The following TSTD2 variants were observed in gnomAD, a reference collection of about 807,000 sequenced individuals.
The protein encoded by TSTD2 is thiosulfate sulfurtransferase/rhodanese-like domain-containing protein 2.
TSTD2 carries 37 observed loss-of-function variants against 47.9 expected under a neutral mutation model. The observed-to-expected ratio is 0.77, with a 90% CI of 0.59 to 1.02. The LOEUF is 1.02. TSTD2 is among the 50% of genes least tolerant of loss of function. The pLI, the probability that TSTD2 is intolerant of heterozygous loss-of-function variation, is 0.00. For synonymous variants in TSTD2, 201 were observed against 215.9 expected (o/e 0.93, Z 0.61); for missense variants, 586 against 616.0 (o/e 0.95, Z 0.52).
chr9:97,600,162 C>A lies in TSTD2; in HGVS notation c.*2307G>T, dbSNP rs992047810. Reference sequence around the variant, plus strand: ...AAAACTGATTATCATTCTTTATTAACCCTCCTTGGAATTTTGAAAACCTCG... The same window carrying A: ...AAAACTGATTATCATTCTTTATTAAACCTCCTTGGAATTTTGAAAACCTCG... On this transcript the variant is annotated 3_prime_UTR_variant, in exon 10 of 10. Transcript: ENST00000341170. 2.0e-6 allele frequency: 2 copies of A among 998,326 alleles called. No homozygotes were observed. Among genetic ancestry groups the A allele is most frequent in the Middle Eastern group, 5.2e-4 (1 of 1,930 alleles). 61.8% of individuals were successfully genotyped at this position (998,326 alleles called of 1,614,324 possible).
rs920231794 is a variant in TSTD2 at position 97,600,498 on chromosome 9, C to T, written c.*1971G>A. 52 of 985,586 alleles carry T rather than the reference C, an allele frequency of 5.3e-5. No homozygotes were observed. In the African/African-American group the frequency reaches 7.8e-4, roughly 15 times the overall value. The allele number at this position is 985,586 out of a possible 1,614,324, so 61.1% of individuals were successfully genotyped here. A position where few individuals can be genotyped will look rare whatever the true frequency, so the allele number is the denominator to read the frequency against. ...ACCTTATGATGGATGTGAAAATCTA[C>T]GGCCAAATACTTTTGAAAACACCTT... is the stretch of plus-strand genomic sequence containing the variant. On this transcript the variant is annotated 3_prime_UTR_variant, in exon 10 of 10. Transcript: ENST00000341170.
chr9:97,602,462 G>C lies in TSTD2; in HGVS notation c.*7C>G. The stretch of plus-strand genomic sequence containing the variant: ...CCGAGGGCCTGGGAAAATGCCAAAG[G>C]TGCTGCTCACATAAGCACTGGCCCA... On this transcript the variant is annotated 3_prime_UTR_variant, in exon 10 of 10. Coordinates refer to ENST00000341170, the MANE Select transcript of TSTD2 (RefSeq NM_139246.5). 2 of 1,586,954 alleles carry C rather than the reference G, an allele frequency of 1.3e-6. No individual in the cohort carries two copies. The highest frequency in any genetic ancestry group is 1.7e-6 in the Non-Finnish European group (2 of 1,163,590).
intron 4 of TSTD2, among the ~76,000 whole-genome samples, chr9:97,612,103 ATATG>A (rs1826470396): frequency 6.6e-6 from 1 of 152,070 alleles, no homozygotes; most frequent in South Asian, 2.1e-4. Flanking sequence ...ATAAGTGAAA[ATATG>A]TAGTATTTGG....
intron 3 of TSTD2, among the ~76,000 whole-genome samples, chr9:97,621,549 A>G (rs1005634195): frequency 2.0e-5 from 3 of 152,226 alleles, no homozygotes; most frequent in African/African-American, 7.2e-5. Context: ...CCAGTAAGGA[A>G]TAACCCTGGG....
rs191370083 is a variant in TSTD2, at chr9:97,601,001, G to A, written c.*1468C>T. 206 of 1,281,072 alleles carry A rather than the reference G, an allele frequency of 1.6e-4. No homozygotes were observed. Among genetic ancestry groups the A allele is most frequent in the Non-Finnish European group, 1.7e-4 (170 of 974,978 alleles). The allele number at this position is 1,281,072 out of a possible 1,614,324, so 79.4% of individuals were successfully genotyped here. A position where few individuals can be genotyped will look rare whatever the true frequency, so the allele number is the denominator to read the frequency against. ...AAGGTCAAGAACTCCAGAGCACTGA[G>A]CAGAGAGGCTGGTGATGAAAAGGTG... On this transcript the variant is annotated 3_prime_UTR_variant, in exon 10 of 10. Coordinates refer to ENST00000341170, the MANE Select transcript of TSTD2 (RefSeq NM_139246.5).
chr9:97,626,925 T>TGCTACCCTA (rs1491580527), intron 2 of TSTD2, among the ~76,000 whole-genome samples: 1 of 15,850 alleles, frequency 6.3e-5, no homozygotes, highest in Non-Finnish European at 1.3e-4. Context: ...TGCTACCCTA[T>TGCTACCCTA]TTTTTTTTTT....
At chr9:97,617,911 G>C (rs1445893509) in intron 3 of TSTD2, 34 bp from the exon 4 acceptor site, 1 of 1,597,606 alleles carries the variant, frequency 6.3e-7, no homozygotes, top group African/African-American at 1.3e-5. Flanking sequence ...AAGAGCATTT[G>C]AGTCGCTGGC....
At chr9:97,611,794 A>G in intron 4 of TSTD2, 95 bp from the exon 5 acceptor site, 1 of 1,331,702 alleles carries the variant, frequency 7.5e-7, no homozygotes, top group South Asian at 1.5e-5. Flanking sequence ...CAATGAGTTT[A>G]ACAGGAAAAG....
intron 6 of TSTD2, 49 bp from the exon 7 acceptor site, chr9:97,606,310 A>G (rs985686801): frequency 2.5e-6 from 3 of 1,203,214 alleles, no homozygotes; most frequent in Non-Finnish European, 2.4e-6. Context: ...AAAAAAACCA[A>G]AACCCAATCA....
intron 6 of TSTD2, among the ~76,000 whole-genome samples, chr9:97,607,026 C>T (rs536865747): frequency 9.9e-5 from 15 of 152,176 alleles, no homozygotes; most frequent in African/African-American, 3.6e-4. Context: ...ATTAGCTGGC[C>T]ATGGTAGTGT....
intron 1 of TSTD2, among the ~76,000 whole-genome samples, chr9:97,632,690 T>A (rs993373602): frequency 1.3e-5 from 2 of 152,114 alleles, no homozygotes; most frequent in South Asian, 2.1e-4. Context: ...CCGGCCGTCA[T>A]AGGAGACTTT....
In TSTD2 at chr9:97,601,018, G is replaced by A. The variant is rs751027063; in HGVS notation, c.*1451C>T. The A allele has an allele frequency of 1.0e-5, 13 of 1,292,098 alleles. No individual in the cohort carries two copies. Among genetic ancestry groups the A allele is most frequent in the Non-Finnish European group, 1.3e-5 (13 of 982,212 alleles). 80.0% of individuals were successfully genotyped at this position (1,292,098 alleles called of 1,614,324 possible). A position where few individuals can be genotyped will look rare whatever the true frequency, so the allele number is the denominator to read the frequency against. ...AGCACTGAGCAGAGAGGCTGGTGAT[G>A]AAAAGGTGAAGGCCTGCGCACTGAA... is the stretch of plus-strand genomic sequence containing the variant. On this transcript the variant is annotated 3_prime_UTR_variant, in exon 10 of 10. Transcript: ENST00000341170.
At chr9:97,607,882 G>A (rs570809091) in intron 6 of TSTD2, among the ~76,000 whole-genome samples, 34 of 151,208 alleles carry the variant, frequency 2.2e-4, no homozygotes, top group Non-Finnish European at 3.8e-4. Flanking sequence ...GTGAGACTCC[G>A]TCTCAAAAAA....
At chr9:97,619,451 C>T (rs1433824043) in intron 3 of TSTD2, among the ~76,000 whole-genome samples, 2 of 152,128 alleles carry the variant, frequency 1.3e-5, no homozygotes, top group Non-Finnish European at 2.9e-5. Context: ...AAGATGAAGA[C>T]CTTTATGACG....
rs1564007020 is a variant in TSTD2, at chr9:97,610,390, A to G, written c.791T>C (p.Val264Ala). The G allele has an allele frequency of 6.2e-7, 1 of 1,602,038 alleles. No homozygotes were observed. Residue 264 changes from valine (V) to alanine (A), a missense_variant, in exon 6 of 10, where the codon GTG becomes GCG. Transcript: ENST00000341170. ...CTTTTTGGGGCTGATCCCCATGGGC[A>G]CGATTTCTTCAAATACACCAACACG... Reference protein sequence around the residue: ...ELRVGVFEEIVPMGISPKKIS... With the variant: ...ELRVGVFEEIAPMGISPKKIS...
At chr9:97,603,544 C>G (rs1826308641) in intron 9 of TSTD2, among the ~76,000 whole-genome samples, 1 of 152,146 alleles carries the variant, frequency 6.6e-6, no homozygotes, top group South Asian at 2.1e-4. Context: ...CTCAAAACCA[C>G]TAAAATGAAA....
intron 3 of TSTD2, among the ~76,000 whole-genome samples, chr9:97,621,288 C>T (rs1311104876): frequency 6.6e-6 from 1 of 152,194 alleles, no homozygotes; most frequent in African/African-American, 2.4e-5. Context: ...ATCCCGTCAT[C>T]TTCATAAGCT....
chr9:97,610,514 T>C, intron 5 of TSTD2, 63 bp from the exon 6 acceptor site: 2 of 1,237,272 alleles, frequency 1.6e-6, no homozygotes, highest in Non-Finnish European at 1.1e-6. Context: ...ATAAGACAAG[T>C]GCCAATATAA....
intron 3 of TSTD2, among the ~76,000 whole-genome samples, chr9:97,619,325 C>T (rs145342569): frequency 1.3e-5 from 2 of 152,282 alleles, no homozygotes; most frequent in East Asian, 1.9e-4. Flanking sequence ...CCGTGAGCAA[C>T]GCGGGTTTGA....
Sources: allele counts gnomAD v4.1 joint callset (sites outside exome capture counted in the v4.1 genomes callset), GRCh38; gene constraint gnomAD v4.1.1; transcripts MANE v1.5; gene names NCBI Gene and HGNC (gene_info 2026-07-23, HGNC 2026-07-21).